The following SLC6A17 variants were observed in gnomAD, a reference collection of about 807,000 sequenced individuals.
SLC6A17 encodes the protein solute carrier family 6 member 17.
A neutral mutation model predicts 64.5 loss-of-function variants in SLC6A17; 21 were observed. The observed-to-expected ratio is 0.33, with a 90% confidence interval of 0.23 to 0.47. The LOEUF is 0.47. SLC6A17 is among the 20% of genes least tolerant of loss of function. The probability of loss-of-function intolerance (pLI) is 1.00; values close to 1 mark genes in which losing one functional copy is unlikely to be tolerated. For missense variants in SLC6A17, 682 were observed against 963.2 expected (o/e 0.71, Z 3.86); for synonymous variants, 372 against 399.5 (o/e 0.93, Z 0.82).
intron 1 of SLC6A17, among the ~76,000 whole-genome samples, chr1:110,163,389 G>GACTT (rs1362103244): frequency 6.6e-6 from 1 of 152,118 alleles, no homozygotes; most frequent in Non-Finnish European, 1.5e-5. Context: ...TCAATATGGG[G>GACTT]ACTTACATAT....
At chr1:110,153,133 C>A (rs1655651862) in intron 1 of SLC6A17, among the ~76,000 whole-genome samples, 1 of 152,160 alleles carries the variant, frequency 6.6e-6, no homozygotes, top group African/African-American at 2.4e-5. Context: ...GTGACTCCAG[C>A]ACCACAGACC....
chr1:110,169,666 C>G (rs1656165295), intron 2 of SLC6A17, among the ~76,000 whole-genome samples: 2 of 152,160 alleles, frequency 1.3e-5, no homozygotes. Flanking sequence ...ATCCTGGATC[C>G]TGGCCCTGTC....
intron 6 of SLC6A17, chr1:110,177,582 A>G (rs1656407451): frequency 2.0e-5 from 3 of 152,312 alleles, no homozygotes; most frequent in Admixed American, 2.0e-4. Flanking sequence ...CCTGTACATC[A>G]GAAACCCCAG....
intron 6 of SLC6A17, among the ~76,000 whole-genome samples, chr1:110,179,478 T>C (rs1207164420): frequency 6.6e-6 from 1 of 151,846 alleles, no homozygotes; most frequent in Non-Finnish European, 1.5e-5. Flanking sequence ...ATGTACACTT[T>C]GAGCAGTAGG....
chr1:110,178,645 G>T, intron 6 of SLC6A17: 1 of 154,172 alleles, frequency 6.5e-6, no homozygotes, highest in East Asian at 1.9e-4. Context: ...AGGCTGGGAA[G>T]TCCAAGATCA....
intron 6 of SLC6A17, among the ~76,000 whole-genome samples, chr1:110,187,033 G>A (rs1656702738): frequency 6.6e-6 from 1 of 152,054 alleles, no homozygotes; most frequent in Non-Finnish European, 1.5e-5. Flanking sequence ...ATAAAGGAAT[G>A]GAAAAAGATT....
chr1:110,189,681 C>T (rs908521573), intron 6 of SLC6A17, among the ~76,000 whole-genome samples: 1 of 152,180 alleles, frequency 6.6e-6, no homozygotes, highest in African/African-American at 2.4e-5. Flanking sequence ...CTGTGCCACC[C>T]CCACCTCGTC....
chr1:110,153,519 A>ATG (rs3222731), intron 1 of SLC6A17, among the ~76,000 whole-genome samples: 1,809 of 137,310 alleles, frequency 0.013, 23 homozygotes, highest in East Asian at 0.037. Context: ...GCTACTGGAA[A>ATG]TGTGTGTGTG....
At chr1:110,151,516 C>A (rs769248562) in intron 1 of SLC6A17, among the ~76,000 whole-genome samples, 1 of 152,202 alleles carries the variant, frequency 6.6e-6, no homozygotes, top group African/African-American at 2.4e-5. Flanking sequence ...CGTGTGGTGC[C>A]CATCTGGAGG....
rs1657085394 is a variant in SLC6A17, at chr1:110,200,183, T to C, written c.*1739T>C. 1 of 398,170 alleles carries C rather than the reference T, an allele frequency of 2.5e-6. No homozygotes were observed. The highest frequency in any genetic ancestry group is 1.3e-4 in the South Asian group (1 of 7,786). The allele number at this position is 398,170 out of a possible 1,614,324, so 24.7% of individuals were successfully genotyped here. A position where few individuals can be genotyped will look rare whatever the true frequency, so the allele number is the denominator to read the frequency against. ...TCCCCTCCTTTACCCCTGAGTTCCTTACTGTTCCCCCAAGCCTGGGAGCAG... is the reference window on the plus strand; with the variant it reads ...TCCCCTCCTTTACCCCTGAGTTCCTCACTGTTCCCCCAAGCCTGGGAGCAG... On this transcript the variant is annotated 3_prime_UTR_variant, in exon 12 of 12. Transcript: ENST00000331565.
chr1:110,198,545 C>G lies in SLC6A17; in HGVS notation c.*101C>G, dbSNP rs988551343. On this transcript the variant is annotated 3_prime_UTR_variant, in exon 12 of 12. Coordinates refer to ENST00000331565, the MANE Select transcript of SLC6A17 (RefSeq NM_001010898.4). ...GGTGGCCACCAGGCCCAGGCCAGGC[C>G]CTTTGCCCAAGAAGAGAGGGTCTGC... 10 of 1,506,698 alleles carry G rather than the reference C, an allele frequency of 6.6e-6. No homozygotes were observed. The highest frequency in any genetic ancestry group is 7.9e-6 in the Non-Finnish European group (9 of 1,134,450). The allele number at this position is 1,506,698 out of a possible 1,614,324, so 93.3% of individuals were successfully genotyped here. A position where few individuals can be genotyped will look rare whatever the true frequency, so the allele number is the denominator to read the frequency against.
chr1:110,171,394 A>G (rs1473768557), intron 2 of SLC6A17, among the ~76,000 whole-genome samples: 2 of 152,224 alleles, frequency 1.3e-5, no homozygotes, highest in African/African-American at 4.8e-5. Flanking sequence ...AGCGAGATTA[A>G]TTTATCATCT....
chr1:110,194,069 C>T (rs1423131062), intron 8 of SLC6A17, among the ~76,000 whole-genome samples: 2 of 152,172 alleles, frequency 1.3e-5, no homozygotes, highest in Non-Finnish European at 2.9e-5. Flanking sequence ...AAAACTCTGA[C>T]ACCCAGCTTC....
rs67632953 is a variant in SLC6A17, at chr1:110,173,787, A to ATGAATGGAGCG, written c.445-171_445-161dup. 1.1e-4 allele frequency among the ~76,000 whole-genome samples: 17 copies of ATGAATGGAGCG among 151,770 alleles called. 1 individual carries two copies. The highest frequency in any genetic ancestry group is 2.1e-4 in the South Asian group (1 of 4,810). ...CCTTTGTGGATTTCCTGAATACCAG[A>ATGAATGGAGCG]TGAATGGAGCGTGAATGGAGCGTGA... On this transcript the variant is annotated intron_variant, in intron 3 of 11. Transcript: ENST00000331565.
At position 110,199,870 on chromosome 1, in the gene SLC6A17, T is replaced by G; in HGVS notation, c.*1426T>G. The G allele has an allele frequency of 8.5e-6, 3 of 351,798 alleles. No individual in the cohort carries two copies. The highest frequency in any genetic ancestry group is 2.5e-5 in the African/African-American group (1 of 40,366). The allele number at this position is 351,798 out of a possible 1,614,324, so 21.8% of individuals were successfully genotyped here. On this transcript the variant is annotated 3_prime_UTR_variant, in exon 12 of 12. Transcript: ENST00000331565. ...ATGGATGGATGGATAGATGGATGGA[T>G]GGGTTGGGGAGTGGGGGTGGATGGA...
At chr1:110,191,885 T>C in intron 6 of SLC6A17, 87 bp from the exon 7 acceptor site, 1 of 1,541,056 alleles carries the variant, frequency 6.5e-7, no homozygotes, top group East Asian at 2.3e-5. Context: ...CTGAACTCTG[T>C]TGAGGCTGAG....
rs200421739 is a variant in SLC6A17, at chr1:110,166,919, A to G, written c.-11A>G. The G allele has an allele frequency of 2.2e-4, 349 of 1,599,192 alleles. 2 individuals carry two copies. In the Middle Eastern group the frequency reaches 2.8e-3, roughly 13 times the overall value. On this transcript the variant is annotated 5_prime_UTR_variant, in exon 2 of 12. Coordinates refer to ENST00000331565, the MANE Select transcript of SLC6A17 (RefSeq NM_001010898.4). ...GCTGGGGAGCAGGGCTACACGGCCCAGGTGGCATCAATGCCGAAGAACAGC... is the reference window on the plus strand; with the variant it reads ...GCTGGGGAGCAGGGCTACACGGCCCGGGTGGCATCAATGCCGAAGAACAGC...
intron 1 of SLC6A17, among the ~76,000 whole-genome samples, chr1:110,159,709 G>A (rs1369714262): frequency 6.6e-6 from 1 of 152,166 alleles, no homozygotes; most frequent in Non-Finnish European, 1.5e-5. Context: ...AGTCACAAAG[G>A]GATGGCCAGG....
chr1:110,158,720 A>G (rs556477678), intron 1 of SLC6A17, among the ~76,000 whole-genome samples: 24 of 152,356 alleles, frequency 1.6e-4, no homozygotes, highest in Admixed American at 1.4e-3. Flanking sequence ...TCCTGGCTCT[A>G]AAACCCATGA....
Sources: gnomAD v4.1 joint callset for allele counts (sites outside exome capture counted in the v4.1 genomes callset) on GRCh38, gnomAD v4.1.1 for gene constraint, MANE v1.5 for transcripts, NCBI Gene and HGNC (gene_info 2026-07-23, HGNC 2026-07-21) for gene names.